The following KANK1 variants were observed in gnomAD, a reference collection of about 807,000 sequenced individuals.
The protein encoded by KANK1 is KN motif and ankyrin repeat domain-containing protein 1.
KANK1 carries 109 observed loss-of-function variants against 106.2 expected under a neutral mutation model. The observed-to-expected ratio is 1.03, with a 90% CI of 0.88 to 1.20. The LOEUF (loss-of-function observed/expected upper bound fraction) is 1.20, where lower values mean the gene tolerates loss of function less well. Among genes scored for constraint, KANK1 ranks in the 50% most tolerant of loss-of-function variants. The pLI is 0.00. For synonymous variants in KANK1, 873 were observed against 652.2 expected (o/e 1.34, Z -5.16); for missense variants, 2,399 against 1,710.7 (o/e 1.40, Z -7.10).
intron 3 of KANK1, among the ~76,000 whole-genome samples, chr9:726,410 G>T (rs58669668): frequency 1.3e-5 from 2 of 151,976 alleles, no homozygotes. Flanking sequence ...AGGCTGAGGC[G>T]GGTGGATCAC....
chr9:660,018 C>T (rs761253696), intron 1 of KANK1: 1 of 311,226 alleles, frequency 3.2e-6, no homozygotes, highest in South Asian at 3.3e-5. Flanking sequence ...ACTCTTTCCA[C>T]CCCTTTGCTG....
intron 3 of KANK1, among the ~76,000 whole-genome samples, chr9:480,094 C>G (rs565483679): frequency 6.6e-6 from 1 of 152,210 alleles, no homozygotes; most frequent in Admixed American, 6.5e-5. Context: ...CACGTTCCAT[C>G]TGGTAAATAA....
chr9:516,232 C>T (rs566968687), intron 1 of KANK1, among the ~76,000 whole-genome samples: 17 of 151,574 alleles, frequency 1.1e-4, no homozygotes, highest in African/African-American at 3.9e-4. Flanking sequence ...ACCTTGGAGG[C>T]AGAATAAGAT....
At chr9:549,603 A>C (rs2061149072) in intron 1 of KANK1, 1 of 151,994 alleles carries the variant, frequency 6.6e-6, no homozygotes, top group Non-Finnish European at 1.5e-5. Flanking sequence ...CGAGATGGGG[A>C]GCAGCCTGGC....
rs1194750205 is a variant in KANK1 at position 643,816 on chromosome 9, C to A, written c.-83-33074C>A. 1.3e-5 allele frequency among the ~76,000 whole-genome samples: 2 copies of A among 150,442 alleles called. 1 individual carries two copies. The highest frequency in any genetic ancestry group is 5.0e-5 in the African/African-American group (2 of 39,864). On this transcript the variant is annotated intron_variant, in intron 1 of 11. Transcript: ENST00000382297. Reference sequence around the variant, plus strand: ...CTCCTGGGTTCAAACAATTCTCCTGCCTCAGCCTCCTGAGTAGCTGGGATT... The same window carrying A: ...CTCCTGGGTTCAAACAATTCTCCTGACTCAGCCTCCTGAGTAGCTGGGATT...
At chr9:670,001 C>T (rs1474116049) in intron 1 of KANK1, among the ~76,000 whole-genome samples, 1 of 152,120 alleles carries the variant, frequency 6.6e-6, no homozygotes, top group Non-Finnish European at 1.5e-5. Context: ...CTGCTTGATG[C>T]ATTCTGCTGT....
rs118034114 is a variant in KANK1 at position 577,446 on chromosome 9, T to C, written c.-84+72692T>C. ...TTGGTGCGTTTTTACAGAGTGCTGA[T>C]TGGCGCGCTTACAAACCTTTAGCTA... is the stretch of plus-strand genomic sequence containing the variant. On this transcript the variant is annotated intron_variant, in intron 1 of 11. Coordinates refer to ENST00000382297, the MANE Select transcript of KANK1 (RefSeq NM_015158.5). Among the ~76,000 whole-genome samples the C allele has an allele frequency of 5.2e-3, 795 of 152,250 alleles. 28 individuals are homozygous for C. In the East Asian group the frequency reaches 0.091, roughly 17 times the overall value.
intron 1 of KANK1, among the ~76,000 whole-genome samples, chr9:610,205 T>C (rs891712561): frequency 6.6e-6 from 1 of 152,092 alleles, no homozygotes; most frequent in East Asian, 1.9e-4. Flanking sequence ...GAATACATTT[T>C]AATTTGGTTG....
chr9:571,799 G>A (rs538763064), intron 1 of KANK1, among the ~76,000 whole-genome samples: 5 of 152,260 alleles, frequency 3.3e-5, no homozygotes, highest in Non-Finnish European at 7.4e-5. Flanking sequence ...AATTCATTTT[G>A]TTTAAAAGGC....
At position 732,591 on chromosome 9, in the gene KANK1, A is replaced by T; in HGVS notation, c.3219A>T (p.Glu1073Asp). Residue 1073 changes from glutamate to aspartate, a missense_variant, in exon 6 of 12, where the codon GAA (glutamate) becomes GAT (aspartate). Coordinates refer to ENST00000382297, the MANE Select transcript of KANK1 (RefSeq NM_015158.5). The part of the protein sequence containing the change: ...VEDEMQVQEC[E>D]PEKVEIRERY... ...ATGAAATGCAGGTTCAAGAATGTGA[A>T]CCTGAGAAGGTGGAAATCAGAGAGA... 6.2e-7 allele frequency: 1 copy of T among 1,614,092 alleles called. No homozygotes were observed. The highest frequency in any genetic ancestry group is 1.1e-5 in the South Asian group (1 of 91,076).
chr9:642,479 C>A (rs367940358), intron 1 of KANK1, among the ~76,000 whole-genome samples: 2 of 151,146 alleles, frequency 1.3e-5, no homozygotes, highest in East Asian at 3.9e-4. Flanking sequence ...TGGTTTTGAA[C>A]AAGTGTTTGA....
chr9:744,980 C>T, intron 11 of KANK1, 193 bp from the exon 12 acceptor site: 6 of 1,484,328 alleles, frequency 4.0e-6, no homozygotes, highest in Non-Finnish European at 5.4e-6. Context: ...CCCAGGACAG[C>T]CGGACATAGC....
upstream of KANK1, among the ~76,000 whole-genome samples, chr9:502,829 G>T (rs970789219): frequency 6.6e-6 from 1 of 151,634 alleles, no homozygotes; most frequent in African/African-American, 2.4e-5. Flanking sequence ...CCCGGTCGAG[G>T]GCACTATTTA....
At position 671,623 on chromosome 9, in the gene KANK1, A is replaced by AAAAAAAAAAAGAAG. The variant is rs79437342; in HGVS notation, c.-83-5263_-83-5262insAAAAAAGAAGAAAA. 5.3e-4 allele frequency among the ~76,000 whole-genome samples: 55 copies of AAAAAAAAAAAGAAG among 103,618 alleles called. 7 individuals are homozygous for AAAAAAAAAAAGAAG. Among genetic ancestry groups the AAAAAAAAAAAGAAG allele is most frequent in the South Asian group, 1.8e-3 (6 of 3,382 alleles). The allele number at this position is 103,618 out of a possible 152,430, so 68.0% of individuals were successfully genotyped here. On this transcript the variant is annotated intron_variant, in intron 1 of 11. Coordinates refer to ENST00000382297, the MANE Select transcript of KANK1 (RefSeq NM_015158.5). The stretch of plus-strand genomic sequence containing the variant: ...AGAGCGAAACTCCGTCTCAAAAAAA[A>AAAAAAAAAAAGAAG]AAAAGAGTGTACTGGTTAAGTACTG...
intron 5 of KANK1, chr9:731,842 G>A (rs572512028): frequency 7.5e-4 from 116 of 154,596 alleles, no homozygotes; most frequent in Non-Finnish European, 1.4e-3. Context: ...TCAATGAATT[G>A]ATACATGGCC....
intron 1 of KANK1, among the ~76,000 whole-genome samples, chr9:631,540 C>T (rs974838086): frequency 1.2e-5 from 1 of 80,266 alleles, no homozygotes; most frequent in South Asian, 2.7e-4. Flanking sequence ...TTAGGATCTC[C>T]TTCTTCCACA....
At position 732,471 on chromosome 9, in the gene KANK1, AGAAGAG is replaced by A. The variant is rs776266510; in HGVS notation, c.3102_3107del (p.Glu1038_Glu1039del). The A allele has an allele frequency of 6.2e-7, 1 of 1,613,968 alleles. No homozygotes were observed. On this transcript the variant is annotated inframe_deletion, in exon 6 of 12. Coordinates refer to ENST00000382297, the MANE Select transcript of KANK1 (RefSeq NM_015158.5). The stretch of plus-strand genomic sequence containing the variant: ...GTGATGTCATTGAGTATCCTCTTGA[AGAAGAG>A]GAGGAGGAGGAGGATGAAGACACTC...
chr9:683,707 G>A (rs945287449), intron 2 of KANK1, among the ~76,000 whole-genome samples: 3 of 152,284 alleles, frequency 2.0e-5, no homozygotes, highest in South Asian at 4.1e-4. Flanking sequence ...GATTATGTTG[G>A]TAAGTTACTT....
At chr9:640,217 T>C (rs1838091843) in intron 1 of KANK1, among the ~76,000 whole-genome samples, 1 of 152,104 alleles carries the variant, frequency 6.6e-6, no homozygotes, top group African/African-American at 2.4e-5. Context: ...TGGAAACTCC[T>C]TTTTGGGGGG....
Sources: gnomAD v4.1 joint callset for allele counts (sites outside exome capture counted in the v4.1 genomes callset) on GRCh38, gnomAD v4.1.1 for gene constraint, MANE v1.5 for transcripts, NCBI Gene and HGNC (gene_info 2026-07-23, HGNC 2026-07-21) for gene names.